The following SUPT6H variants were observed in gnomAD, a reference collection of about 807,000 sequenced individuals.
SUPT6H encodes transcription elongation factor SPT6.
In SUPT6H, 11 loss-of-function variants were observed where a neutral mutation model predicts 222.3. The ratio of observed to expected loss-of-function variants is 0.05; its 90% CI spans 0.03 to 0.08. The LOEUF is 0.08. SUPT6H is among the 10% of genes least tolerant of loss of function. The pLI, the probability that SUPT6H is intolerant of heterozygous loss-of-function variation, is 1.00. For synonymous variants in SUPT6H, 762 were observed against 801.2 expected, an observed-to-expected ratio of 0.95 and a Z score of 0.83; for missense variants, 1,422 against 2,216.0, an observed-to-expected ratio of 0.64 and a Z score of 7.19.
Position 28,677,764 on chromosome 17 carries a change from A to C in SUPT6H, c.947A>C (p.Glu316Ala), listed in dbSNP as rs768145670. 14 of 1,614,240 alleles carry C rather than the reference A, an allele frequency of 8.7e-6. No individual in the cohort carries two copies. Among genetic ancestry groups the C allele is most frequent in the South Asian group, 4.4e-5 (4 of 91,088 alleles). The part of the protein sequence containing the change: ...KGAEDDELEE[E>A]ADWIYRNAFA... ...GCTGAAGATGATGAACTAGAAGAAG[A>C]AGCTGACTGGATCTACAGGAATGCT... The change falls in exon 8 of 37, where the codon GAA (glutamate) becomes GCA (alanine). Residue 316 changes from glutamate to alanine, a missense_variant. Coordinates refer to ENST00000314616, the MANE Select transcript of SUPT6H (RefSeq NM_003170.5).
At position 28,678,903 on chromosome 17, in the gene SUPT6H, C is replaced by A; in HGVS notation, c.1289C>A (p.Ala430Asp). The A allele has an allele frequency of 6.2e-7, 1 of 1,614,226 alleles. No individual in the cohort carries two copies. Among genetic ancestry groups the A allele is most frequent in the Non-Finnish European group, 8.5e-7 (1 of 1,180,040 alleles). Residue 430 changes from alanine (A) to aspartate (D), a missense_variant, in exon 11 of 37, where the codon GCT (alanine) becomes GAT (aspartate). This residue lies in a region of SUPT6H where 389 missense variants were observed against 544.6 expected (regional missense o/e 0.71). Transcript: ENST00000314616. ...GCTTATCAGTATGAACAGATCTCTGCTGACCCTGACAAACCTCTTGCTGAT... is the reference window on the plus strand; with the variant it reads ...GCTTATCAGTATGAACAGATCTCTGATGACCCTGACAAACCTCTTGCTGAT... ...MQAYQYEQIS[A>D]DPDKPLADGI... is the part of the protein sequence containing the mutation.
chr17:28,684,485 C>G (rs1284462243), intron 17 of SUPT6H, 101 bp from the exon 18 acceptor site: 1 of 1,417,200 alleles, frequency 7.1e-7, no homozygotes, highest in African/African-American at 1.4e-5. Flanking sequence ...AGTACACACC[C>G]TCGCACATGT....
chr17:28,663,988 C>A (rs2072119523), intron 1 of SUPT6H, among the ~76,000 whole-genome samples: 1 of 151,564 alleles, frequency 6.6e-6, no homozygotes, highest in African/African-American at 2.4e-5. Context: ...ACTTTGCCCA[C>A]TCCATTGAAG....
At chr17:28,690,447 GTCT>G (rs1229848506) in intron 26 of SUPT6H, among the ~76,000 whole-genome samples, 1 of 152,186 alleles carries the variant, frequency 6.6e-6, no homozygotes, top group African/African-American at 2.4e-5. Flanking sequence ...CATGCAGTTA[GTCT>G]TCTTATAGGC....
At chr17:28,695,711 C>T (rs2031873128) in intron 29 of SUPT6H, among the ~76,000 whole-genome samples, 164 bp downstream of exon 29, 1 of 152,208 alleles carries the variant, frequency 6.6e-6, no homozygotes, top group Admixed American at 6.5e-5. Flanking sequence ...ATAGGTAGGG[C>T]TGGAACCCAG....
Position 28,689,339 on chromosome 17 carries a change from C to A in SUPT6H, c.3135-15C>A. 1 of 1,613,760 alleles carries A rather than the reference C, an allele frequency of 6.2e-7. No individual in the cohort carries two copies. The highest frequency in any genetic ancestry group is 8.5e-7 in the Non-Finnish European group (1 of 1,179,718). The stretch of plus-strand genomic sequence containing the variant: ...TATCGTTCTATATCCTGTTCCTTTT[C>A]TGCCTTTCCTCCAGCACTGACTCAT... On this transcript the variant is annotated splice_polypyrimidine_tract_variant and intron_variant, in intron 24 of 36. Coordinates refer to ENST00000314616, the MANE Select transcript of SUPT6H (RefSeq NM_003170.5).
intron 1 of SUPT6H, among the ~76,000 whole-genome samples, chr17:28,665,939 A>T (rs757989878): frequency 2.0e-5 from 3 of 152,146 alleles, no homozygotes; most frequent in Non-Finnish European, 4.4e-5. Flanking sequence ...TTTTTGTTGG[A>T]TTAGCAAGTA....
chr17:28,681,874 C>T lies in SUPT6H; in HGVS notation c.1499-8C>T. 1 of 1,603,744 alleles carries T rather than the reference C, an allele frequency of 6.2e-7. No individual in the cohort carries two copies. Among genetic ancestry groups the T allele is most frequent in the Middle Eastern group, 1.7e-4 (1 of 6,006 alleles). ...AGAACCCTAAATCTCCCCATGTTTTCTTCCCAGGTGAAGGTGACGAGGCAG... is the reference window on the plus strand; with the variant it reads ...AGAACCCTAAATCTCCCCATGTTTTTTTCCCAGGTGAAGGTGACGAGGCAG... On this transcript the variant is annotated splice_region_variant and splice_polypyrimidine_tract_variant and intron_variant, in intron 12 of 36. Transcript: ENST00000314616.
chr17:28,697,719 G>T lies in SUPT6H; in HGVS notation c.4309G>T (p.Gly1437Cys). The change falls in exon 31 of 37, where the codon GGT becomes TGT. Residue 1437 changes from glycine to cysteine, a missense_variant. Transcript: ENST00000314616. Reference protein sequence around the residue: ...LNHKYYQDCSGGDRKKLEELL... With the variant: ...LNHKYYQDCSCGDRKKLEELL... Reference sequence around the variant, plus strand: ...TCACAAGTATTATCAGGACTGCAGCGGTGGGGACCGCAAGGTAAGCCCAGG... The same window carrying T: ...TCACAAGTATTATCAGGACTGCAGCTGTGGGGACCGCAAGGTAAGCCCAGG... The T allele has an allele frequency of 6.2e-7, 1 of 1,614,174 alleles. No individual in the cohort carries two copies. Among genetic ancestry groups the T allele is most frequent in the Non-Finnish European group, 8.5e-7 (1 of 1,180,014 alleles).
intron 36 of SUPT6H, 33 bp downstream of exon 36, chr17:28,701,161 A>G (rs1221379729): frequency 2.5e-6 from 4 of 1,579,878 alleles, no homozygotes; most frequent in Non-Finnish European, 3.4e-6. Context: ...AGTGCAGGTC[A>G]GTGGTAGGGG....
intron 9 of SUPT6H, 37 bp from the exon 10 acceptor site, chr17:28,678,508 T>G (rs1460676213): frequency 6.3e-7 from 1 of 1,594,018 alleles, no homozygotes; most frequent in Admixed American, 1.7e-5. Flanking sequence ...AGCAAATCTG[T>G]CTTCTCTGAG....
At chr17:28,665,026 C>T (rs1332246069) in intron 1 of SUPT6H, among the ~76,000 whole-genome samples, 1 of 152,172 alleles carries the variant, frequency 6.6e-6, no homozygotes, top group Non-Finnish European at 1.5e-5. Context: ...CCCTGGTTTC[C>T]ACTCAGATCT....
chr17:28,669,797 G>A (rs1309191633), intron 1 of SUPT6H, among the ~76,000 whole-genome samples: 3 of 152,186 alleles, frequency 2.0e-5, no homozygotes, highest in Admixed American at 6.5e-5. Flanking sequence ...TTAGCTAGAC[G>A]TGGTGGCGAG....
At position 28,680,006 on chromosome 17, in the gene SUPT6H, G is replaced by A. The variant is rs112263380; in HGVS notation, c.1349+1043G>A. 8.1e-3 allele frequency among the ~76,000 whole-genome samples: 322 copies of A among 39,880 alleles called. 9 individuals carry two copies. The highest frequency in any genetic ancestry group is 0.022 in the South Asian group (14 of 640). The allele number at this position is 39,880 out of a possible 152,430, so 26.2% of individuals were successfully genotyped here. ...ACTCCATCTCAAAAAAAAAAAAAAA[G>A]AAAGAAAGAAAAAGGAGGCCAGGCG... On this transcript the variant is annotated intron_variant, in intron 11 of 36. Coordinates refer to ENST00000314616, the MANE Select transcript of SUPT6H (RefSeq NM_003170.5).
chr17:28,675,428 A>G lies in SUPT6H; in HGVS notation c.566A>G (p.Asp189Gly), dbSNP rs764133379. 6.2e-7 allele frequency: 1 copy of G among 1,614,152 alleles called. No individual in the cohort carries two copies. Among genetic ancestry groups the G allele is most frequent in the Admixed American group, 1.7e-5 (1 of 60,014 alleles). ...SDIDDFIVDD[D>G]GQPLKKPKWR... ...ATTGACGACTTCATTGTGGATGATG[A>G]TGGACAGCCTCTGAAAAAACCTAAG... Residue 189 changes from aspartate to glycine, a missense_variant, in exon 6 of 37, where the codon GAT (aspartate) becomes GGT (glycine). Asp to Gly is a moderately conservative substitution (Grantham distance 94). Around this residue, in one of 13 missense-constraint regions of SUPT6H, gnomAD observed 389 missense variants for 544.6 expected, o/e 0.71. Coordinates refer to ENST00000314616, the MANE Select transcript of SUPT6H (RefSeq NM_003170.5).
In SUPT6H at chr17:28,701,578, T is replaced by C; in HGVS notation, c.5134T>C (p.Ser1712Pro). 1.9e-6 allele frequency: 3 copies of C among 1,613,884 alleles called. No homozygotes were observed. The highest frequency in any genetic ancestry group is 2.5e-6 in the Non-Finnish European group (3 of 1,179,894). ...CCCCATGATCGAAAGCACCCCCATGTCCATTGCTGGCGATGCCACCCCACT... is the reference window on the plus strand; with the variant it reads ...CCCCATGATCGAAAGCACCCCCATGCCCATTGCTGGCGATGCCACCCCACT... ...PSPMIESTPM[S>P]IAGDATPLLD... The change falls in exon 37 of 37, where the codon TCC becomes CCC. Residue 1712 changes from serine to proline, a missense_variant. This residue lies in a region of SUPT6H where 395 missense variants were observed against 580.6 expected (regional missense o/e 0.68). Transcript: ENST00000314616.
At chr17:28,674,920 C>A in intron 4 of SUPT6H, 50 bp from the exon 5 acceptor site, 1 of 1,582,718 alleles carries the variant, frequency 6.3e-7, no homozygotes, top group Non-Finnish European at 8.6e-7. Context: ...ATTTGGTATC[C>A]GTATGCCAGA....
At position 28,681,391 on chromosome 17, in the gene SUPT6H, G is replaced by A. The variant is rs1436099300; in HGVS notation, c.1485G>A (p.Glu495=). The A allele has an allele frequency of 8.1e-6, 13 of 1,602,696 alleles. No individual in the cohort carries two copies. The highest frequency in any genetic ancestry group is 1.0e-5 in the Non-Finnish European group (12 of 1,175,510). ...SRKKLKRVRE[E]GDEEGEGDEA... is the part of the protein sequence containing the mutation. ...AGAAGCTGAAGCGTGTCAGGGAAGA[G>A]GGAGATGAAGAAGGTTAGTGCTGGA... Residue 495 remains glutamate (E), a synonymous_variant, in exon 12 of 37, where the codon GAG becomes GAA. Coordinates refer to ENST00000314616, the MANE Select transcript of SUPT6H (RefSeq NM_003170.5).
rs1234871065 is a variant in SUPT6H, at chr17:28,683,735, T to C, written c.2148T>C (p.Ala716=). 3 of 1,613,974 alleles carry C rather than the reference T, an allele frequency of 1.9e-6. No homozygotes were observed. In the African/African-American group the frequency reaches 4.0e-5, roughly 22 times the overall value. ...NRQRTMAIER[A]LQQFLYVQMA... ...AGCGCACCATGGCCATCGAACGGGC[T>C]TTACAGCAGTTCCTCTATGTGCAGA... is the stretch of plus-strand genomic sequence containing the variant. Residue 716 remains alanine, a synonymous_variant, in exon 17 of 37, where the codon GCT becomes GCC. Coordinates refer to ENST00000314616, the MANE Select transcript of SUPT6H (RefSeq NM_003170.5).
Sources: gnomAD v4.1 joint callset for allele counts (sites outside exome capture counted in the v4.1 genomes callset) on GRCh38, gnomAD v4.1.1 for gene constraint, gnomAD v4.1.1 regional missense constraint, MANE v1.5 for transcripts, NCBI Gene and HGNC (gene_info 2026-07-23, HGNC 2026-07-21) for gene names.